The following PTPRZ1 variants were observed in gnomAD, a reference collection of about 807,000 sequenced individuals.
PTPRZ1 encodes protein tyrosine phosphatase receptor type Z1.
PTPRZ1 carries 82 observed loss-of-function variants against 214.1 expected under a neutral mutation model. The ratio of observed to expected loss-of-function variants is 0.38; its 90% CI spans 0.32 to 0.46. PTPRZ1 has a LOEUF of 0.46. Among genes scored for constraint, PTPRZ1 ranks in the 20% least tolerant of loss-of-function variants. The pLI is 1.00. For synonymous variants in PTPRZ1, 945 were observed against 987.9 expected (o/e 0.96, Z 0.81); for missense variants, 2,603 against 2,748.7 (o/e 0.95, Z 1.19).
intron 1 of PTPRZ1, among the ~76,000 whole-genome samples, chr7:121,891,299 A>G (rs1794600486): frequency 1.3e-5 from 2 of 151,444 alleles, no homozygotes; most frequent in Admixed American, 1.3e-4. Flanking sequence ...TCACTCATGC[A>G]TTTTTCTAAA....
intron 1 of PTPRZ1, among the ~76,000 whole-genome samples, chr7:121,925,612 A>C (rs1428744036): frequency 1.3e-5 from 2 of 152,196 alleles, no homozygotes; most frequent in Admixed American, 6.5e-5. Context: ...AACTCAACAC[A>C]CATGAAGCAA....
At chr7:122,034,573 A>T (rs1172196797) in intron 17 of PTPRZ1, among the ~76,000 whole-genome samples, 195 bp downstream of exon 17, 1 of 152,142 alleles carries the variant, frequency 6.6e-6, no homozygotes, top group Non-Finnish European at 1.5e-5. Flanking sequence ...GCAATTAATA[A>T]CATCTGTTTT....
Position 122,013,225 on chromosome 7 carries a change from G to A in PTPRZ1, c.4179G>A (p.Leu1393=). The A allele has an allele frequency of 6.2e-7, 1 of 1,614,150 alleles. No homozygotes were observed. Among genetic ancestry groups the A allele is most frequent in the Middle Eastern group, 1.6e-4 (1 of 6,062 alleles). ...GTTCTGTAACCTCAACAAAGTTGCT[G>A]TTTCCTTCTAAGGCAACTTCTGAGC... is the stretch of plus-strand genomic sequence containing the variant. ...RDGSVTSTKL[L]FPSKATSELS... is the part of the protein sequence containing the mutation. Residue 1393 remains leucine (L), a synonymous_variant, in exon 12 of 30, where the codon CTG becomes CTA. Transcript: ENST00000393386.
chr7:122,047,957 T>C (rs1353826807), intron 23 of PTPRZ1, among the ~76,000 whole-genome samples: 1 of 152,068 alleles, frequency 6.6e-6, no homozygotes, highest in Non-Finnish European at 1.5e-5. Flanking sequence ...CCTGGCCCAT[T>C]GCACACATAC....
At chr7:122,042,575 A>G (rs748565257) in intron 21 of PTPRZ1, 33 bp from the exon 22 acceptor site, 1 of 1,553,880 alleles carries the variant, frequency 6.4e-7, no homozygotes, top group Admixed American at 1.9e-5. Context: ...TATGCTTAAC[A>G]TTGAAATATT....
At chr7:121,970,361 T>C (rs1439636015) in intron 3 of PTPRZ1, among the ~76,000 whole-genome samples, 3 of 152,304 alleles carry the variant, frequency 2.0e-5, no homozygotes, top group South Asian at 2.1e-4. Context: ...GTTCTAGATC[T>C]CTGAGGAATC....
intron 6 of PTPRZ1, among the ~76,000 whole-genome samples, chr7:121,981,134 C>A (rs1797597431): frequency 7.5e-6 from 1 of 133,582 alleles, no homozygotes; most frequent in Admixed American, 7.8e-5. Flanking sequence ...CAGCGAGACT[C>A]CGTCTCAAAA....
chr7:122,013,112 G>A lies in PTPRZ1; in HGVS notation c.4066G>A (p.Ala1356Thr), dbSNP rs199950194. 1 of 1,613,994 alleles carries A rather than the reference G, an allele frequency of 6.2e-7. No individual in the cohort carries two copies. The change falls in exon 12 of 30, where the codon GCT becomes ACT. Residue 1356 changes from alanine (A) to threonine (T), a missense_variant. Transcript: ENST00000393386. ...GKVFAGIPTVASDTFVSTDHS... is the reference protein window; with the variant it reads ...GKVFAGIPTVTSDTFVSTDHS... ...GGTATTTGCTGGTATTCCAACAGTT[G>A]CTTCTGATACATTTGTATCTACTGA... is the stretch of plus-strand genomic sequence containing the variant.
rs1411934505 is a variant in PTPRZ1, at chr7:122,043,166, T to C, written c.5937+423T>C. ...AATCACACTCTGAGTTATCAGGCGG[T>C]TAGAGCTTTAATATATCTTTGTGGG... On this transcript the variant is annotated intron_variant, in intron 22 of 29. Transcript: ENST00000393386. Among the ~76,000 whole-genome samples the C allele has an allele frequency of 2.0e-5, 3 of 152,176 alleles. No individual in the cohort carries two copies. In the East Asian group the frequency reaches 5.8e-4, roughly 29 times the overall value.
At chr7:121,956,000 T>A (rs866399009) in intron 2 of PTPRZ1, among the ~76,000 whole-genome samples, 3 of 152,144 alleles carry the variant, frequency 2.0e-5, no homozygotes, top group Non-Finnish European at 2.9e-5. Flanking sequence ...GATAGCTTTT[T>A]AAAAATTACC....
chr7:121,955,985 G>A (rs1351272814), intron 2 of PTPRZ1, among the ~76,000 whole-genome samples: 2 of 152,156 alleles, frequency 1.3e-5, no homozygotes, highest in Non-Finnish European at 2.9e-5. Flanking sequence ...GGGTTCTGAC[G>A]GTTTGATAGC....
intron 17 of PTPRZ1, 54 bp from the exon 18 acceptor site, chr7:122,036,546 T>C (rs1310588116): frequency 8.7e-7 from 1 of 1,145,620 alleles, no homozygotes; most frequent in Admixed American, 2.0e-5. Flanking sequence ...TGAATTATCT[T>C]TGTGCTGAAA....
At chr7:122,033,857 T>G (rs1331405838) in intron 15 of PTPRZ1, 1 of 517,938 alleles carries the variant, frequency 1.9e-6, no homozygotes, top group African/African-American at 2.0e-5. Flanking sequence ...ATGACATCAC[T>G]ATCTCCTTTT....
In PTPRZ1 at chr7:121,976,257, A is replaced by G; in HGVS notation, c.541A>G (p.Ile181Val). ...KGKGKLRALS[I>V]LFEVGTEENL... ...AAAAGGGAAGTTAAGAGCTTTATCC[A>G]TTTTGTTTGAGGTAATATATATACA... Residue 181 changes from isoleucine (I) to valine (V), a missense_variant, in exon 5 of 30, where the codon ATT (isoleucine) becomes GTT (valine). By Grantham distance (29) the Ile-to-Val change is conservative. Coordinates refer to ENST00000393386, the MANE Select transcript of PTPRZ1 (RefSeq NM_002851.3). 4 of 1,600,484 alleles carry G rather than the reference A, an allele frequency of 2.5e-6. No homozygotes were observed. The highest frequency in any genetic ancestry group is 3.4e-6 in the Non-Finnish European group (4 of 1,169,978).
chr7:122,012,056 G>C lies in PTPRZ1; in HGVS notation c.3010G>C (p.Glu1004Gln). The C allele has an allele frequency of 2.5e-6, 4 of 1,614,238 alleles. No individual in the cohort carries two copies. The highest frequency in any genetic ancestry group is 3.4e-6 in the Non-Finnish European group (4 of 1,180,050). Residue 1004 changes from glutamate (E) to glutamine (Q), a missense_variant, in exon 12 of 30, where the codon GAA (glutamate) becomes CAA (glutamine). By Grantham distance (29) the Glu-to-Gln change is conservative. This residue lies in a region of PTPRZ1 where 1,913 missense variants were observed against 1,914.3 expected (regional missense o/e 1.00). Transcript: ENST00000393386. ...GEWSGASSDS[E>Q]FLLPDTDGLT... ...ATGGTCTGGAGCCTCTTCTGATAGT[G>C]AATTTCTTTTACCTGACACAGATGG...
chr7:122,041,035 G>T lies in PTPRZ1; in HGVS notation c.5801+56G>T, dbSNP rs1301239976. The T allele has an allele frequency of 2.2e-6, 3 of 1,353,910 alleles. No individual in the cohort carries two copies. The East Asian group carries it at 7.5e-5, about 34-fold the overall frequency. The allele number at this position is 1,353,910 out of a possible 1,614,324, so 83.9% of individuals were successfully genotyped here. On this transcript the variant is annotated intron_variant, in intron 21 of 29. Transcript: ENST00000393386. ...TAGAATTGCTTATACTTGCAAAAAG[G>T]AAATCAATGGAACAAAGCTTTTGCC...
intron 23 of PTPRZ1, among the ~76,000 whole-genome samples, chr7:122,051,045 A>G (rs1420839762): frequency 1.3e-5 from 2 of 152,212 alleles, no homozygotes; most frequent in Non-Finnish European, 2.9e-5. Context: ...GAAGGAATAA[A>G]TAAAATTGAA....
intron 14 of PTPRZ1, 55 bp downstream of exon 14, chr7:122,028,698 A>G (rs1455964014): frequency 1.5e-6 from 2 of 1,358,588 alleles, no homozygotes; most frequent in South Asian, 1.2e-5. Flanking sequence ...CAAAAAGCAC[A>G]ATGTTGAAAG....
intron 9 of PTPRZ1, among the ~76,000 whole-genome samples, chr7:121,997,196 T>G (rs1045311436): frequency 6.6e-6 from 1 of 152,134 alleles, no homozygotes; most frequent in Non-Finnish European, 1.5e-5. Context: ...TTGACAAACC[T>G]TCATCTGGAT....
Sources: gnomAD v4.1 joint callset for allele counts (sites outside exome capture counted in the v4.1 genomes callset) on GRCh38, gnomAD v4.1.1 for gene constraint, gnomAD v4.1.1 regional missense constraint, MANE v1.5 for transcripts, NCBI Gene and HGNC (gene_info 2026-07-23, HGNC 2026-07-21) for gene names.